WWC2: variants seen among roughly 807,000 people sequenced by gnomAD.
WWC2 encodes WW and C2 domain containing 2, also known as protein WWC2.
Under a neutral mutation model 138.5 loss-of-function variants are expected in WWC2, and 101 were observed. The observed-to-expected ratio is 0.73, with a 90% CI of 0.62 to 0.86. WWC2 has a LOEUF of 0.86. Ranked by LOEUF, WWC2 falls within the 40% of genes least tolerant of loss-of-function variation. WWC2 has a pLI of 0.00. For synonymous variants in WWC2, 558 were observed against 538.4 expected (o/e 1.04, Z -0.50); for missense variants, 1,420 against 1,419.4 (o/e 1.00, Z -0.01).
At chr4:183,118,639 G>GATT (rs562977966) in intron 1 of WWC2, among the ~76,000 whole-genome samples, 82 of 152,324 alleles carry the variant, frequency 5.4e-4, no homozygotes, top group African/African-American at 1.9e-3. Context: ...TCATCATTTA[G>GATT]CATTGTGAGT....
intron 15 of WWC2, chr4:183,269,744 C>T (rs962458263): frequency 2.7e-5 from 7 of 259,594 alleles, no homozygotes; most frequent in Admixed American, 8.9e-5. Context: ...TTATTCACCT[C>T]ATTCTCCTCC....
At chr4:183,255,550 T>C (rs1737109078) in intron 9 of WWC2, among the ~76,000 whole-genome samples, 1 of 152,228 alleles carries the variant, frequency 6.6e-6, no homozygotes, top group Non-Finnish European at 1.5e-5. Context: ...TATAAAATTT[T>C]ATATAATCAT....
chr4:183,233,133 TTTTTC>T (rs1736304660), intron 4 of WWC2, among the ~76,000 whole-genome samples: 1 of 151,358 alleles, frequency 6.6e-6, no homozygotes, highest in African/African-American at 2.4e-5. Flanking sequence ...GTGTATTTTT[TTTTTC>T]TTTTTAAACC....
chr4:183,193,878 AGTT>A (rs1735059555), intron 2 of WWC2, among the ~76,000 whole-genome samples, 170 bp downstream of exon 2: 1 of 152,136 alleles, frequency 6.6e-6, no homozygotes, highest in South Asian at 2.1e-4. Flanking sequence ...ATGTACATAG[AGTT>A]GTCCTTATGG....
chr4:183,169,848 A>G (rs954304670), intron 1 of WWC2, among the ~76,000 whole-genome samples: 2 of 152,198 alleles, frequency 1.3e-5, no homozygotes, highest in African/African-American at 4.8e-5. Context: ...GTAAATATTC[A>G]TGTAAAATTA....
chr4:183,245,595 C>T, intron 6 of WWC2, 50 bp downstream of exon 6: 1 of 1,494,782 alleles, frequency 6.7e-7, no homozygotes, highest in East Asian at 2.5e-5. Context: ...TCTGAGGCCC[C>T]CAGAAACTCT....
chr4:183,293,045 TCC>T (rs999595766), intron 21 of WWC2, among the ~76,000 whole-genome samples: 5 of 152,208 alleles, frequency 3.3e-5, no homozygotes, highest in African/African-American at 1.2e-4. Context: ...AGCCTCTGCC[TCC>T]CGGGTTCAAG....
At position 183,107,882 on chromosome 4, in the gene WWC2, G is replaced by A. The variant is rs367901298; in HGVS notation, c.131+8260G>A. Among the ~76,000 whole-genome samples, 13 of 151,866 alleles carry A rather than the reference G, an allele frequency of 8.6e-5. 1 individual carries two copies. The highest frequency in any genetic ancestry group is 2.9e-4 in the African/African-American group (12 of 41,422). ...AGTGTGCATAATCATCATTTAAAAAGTGAAAGAAAATTTTGAGTATTATCT... is the reference window on the plus strand; with the variant it reads ...AGTGTGCATAATCATCATTTAAAAAATGAAAGAAAATTTTGAGTATTATCT... On this transcript the variant is annotated intron_variant, in intron 1 of 22. Coordinates refer to ENST00000403733, the MANE Select transcript of WWC2 (RefSeq NM_024949.6).
At chr4:183,295,133 T>TA (rs1445012875) in intron 21 of WWC2, among the ~76,000 whole-genome samples, 3 of 152,122 alleles carry the variant, frequency 2.0e-5, no homozygotes, top group Non-Finnish European at 4.4e-5. Context: ...ATATTTTCTG[T>TA]AAAAACACAC....
intron 21 of WWC2, among the ~76,000 whole-genome samples, chr4:183,296,597 A>G (rs922627938): frequency 6.6e-6 from 1 of 152,148 alleles, no homozygotes; most frequent in Admixed American, 6.5e-5. Flanking sequence ...TAAGTTTCTG[A>G]CGATGATTAG....
At chr4:183,258,343 C>T (rs1161768400) in intron 9 of WWC2, among the ~76,000 whole-genome samples, 1 of 152,068 alleles carries the variant, frequency 6.6e-6, no homozygotes, top group African/African-American at 2.4e-5. Context: ...AAGAATTTAT[C>T]GCGCTTTTGA....
At chr4:183,174,711 G>A (rs1734405894) in intron 1 of WWC2, among the ~76,000 whole-genome samples, 1 of 152,036 alleles carries the variant, frequency 6.6e-6, no homozygotes, top group East Asian at 1.9e-4. Flanking sequence ...GGACACCATT[G>A]TATATATCCT....
Position 183,265,857 on chromosome 4 carries a change from T to C in WWC2, c.2121-8T>C. The C allele has an allele frequency of 6.2e-7, 1 of 1,612,264 alleles. No individual in the cohort carries two copies. The highest frequency in any genetic ancestry group is 1.7e-5 in the Admixed American group (1 of 59,808). The stretch of plus-strand genomic sequence containing the variant: ...ATTCCTGACTTCATTTAGCCTCTCT[T>C]TTGACAGATACAATGCAAAAAGTTC... On this transcript the variant is annotated splice_polypyrimidine_tract_variant and splice_region_variant and intron_variant, in intron 13 of 22. Coordinates refer to ENST00000403733, the MANE Select transcript of WWC2 (RefSeq NM_024949.6).
At chr4:183,188,998 A>G (rs1734904237) in intron 1 of WWC2, among the ~76,000 whole-genome samples, 1 of 152,156 alleles carries the variant, frequency 6.6e-6, no homozygotes, top group African/African-American at 2.4e-5. Flanking sequence ...ACACACAGGG[A>G]AGGAATCTCA....
chr4:183,174,047 C>T lies in WWC2; in HGVS notation c.132-19552C>T, dbSNP rs375828973. Among the ~76,000 whole-genome samples the T allele has an allele frequency of 7.0e-4, 107 of 152,244 alleles. 1 individual carries two copies. Among genetic ancestry groups the T allele is most frequent in the Non-Finnish European group, 7.4e-5 (5 of 68,016 alleles). Reference sequence around the variant, plus strand: ...TCCCAGGAAAAACCCTCCAATTCTTCGGCCTGACAAATGTAAGCCCAACTC... The same window carrying T: ...TCCCAGGAAAAACCCTCCAATTCTTTGGCCTGACAAATGTAAGCCCAACTC... On this transcript the variant is annotated intron_variant, in intron 1 of 22. Transcript: ENST00000403733.
chr4:183,300,539 G>A lies in WWC2; in HGVS notation c.3384+10904G>A, dbSNP rs575852916. ...AAAAAATCTTAATGATTACAGAAAA[G>A]TATTCAGCATTGAGGTCTACCTACA... On this transcript the variant is annotated intron_variant, in intron 21 of 22. Transcript: ENST00000403733. Among the ~76,000 whole-genome samples, 35 of 152,162 alleles carry A rather than the reference G, an allele frequency of 2.3e-4. 1 individual carries two copies. The South Asian group carries it at 4.8e-3, about 21-fold the overall frequency.
rs1222684296 is a variant in WWC2, at chr4:183,282,696, G to A, written c.2685-12G>A. The A allele has an allele frequency of 6.4e-7, 1 of 1,558,738 alleles. No individual in the cohort carries two copies. The highest frequency in any genetic ancestry group is 8.7e-7 in the Non-Finnish European group (1 of 1,150,712). On this transcript the variant is annotated splice_polypyrimidine_tract_variant and intron_variant, in intron 17 of 22. Coordinates refer to ENST00000403733, the MANE Select transcript of WWC2 (RefSeq NM_024949.6). Reference sequence around the variant, plus strand: ...TGCCTACCAAAAGTGTTTTGTTTTTGTTTTACCATAGGCTAACAATGCTAA... The same window carrying A: ...TGCCTACCAAAAGTGTTTTGTTTTTATTTTACCATAGGCTAACAATGCTAA...
At chr4:183,209,552 T>C (rs538374952) in intron 4 of WWC2, among the ~76,000 whole-genome samples, 32 of 152,300 alleles carry the variant, frequency 2.1e-4, no homozygotes, top group African/African-American at 7.7e-4. Context: ...GGCAGTTTTA[T>C]TGTTAGCAGT....
chr4:183,268,935 T>C (rs376432658), intron 14 of WWC2, 36 bp from the exon 15 acceptor site: 10 of 1,561,510 alleles, frequency 6.4e-6, no homozygotes, highest in Non-Finnish European at 8.7e-6. Flanking sequence ...ATAATTAAAG[T>C]ACCTATGAAA....
Sources: gnomAD v4.1 joint callset for allele counts (sites outside exome capture counted in the v4.1 genomes callset) on GRCh38, gnomAD v4.1.1 for gene constraint, MANE v1.5 for transcripts, NCBI Gene and HGNC (gene_info 2026-07-23, HGNC 2026-07-21) for gene names.